The following RAB27A variants were observed in gnomAD, a reference collection of about 807,000 sequenced individuals.
RAB27A encodes the protein ras-related protein Rab-27A.
A neutral mutation model predicts 20.8 loss-of-function variants in RAB27A; 17 were observed. The ratio of observed to expected loss-of-function variants is 0.82; its 90% CI spans 0.56 to 1.23. The LOEUF is 1.23. RAB27A is among the 50% of genes most tolerant of loss of function. The pLI, the probability that RAB27A is intolerant of heterozygous loss-of-function variation, is 0.00. For synonymous variants in RAB27A, 85 were observed against 92.8 expected (o/e 0.92, Z 0.48); for missense variants, 277 against 266.7 (o/e 1.04, Z -0.27).
chr15:55,318,712 AC>A (rs1393724621), intron 1 of RAB27A, among the ~76,000 whole-genome samples: 2 of 105,582 alleles, frequency 1.9e-5, no homozygotes, highest in East Asian at 4.6e-4. Flanking sequence ...AAAAAAAAAA[AC>A]AAAAACAAAA....
chr15:55,256,084 TGTTTTACAAGTCAAG>T (rs1897068610), intron 2 of RAB27A, among the ~76,000 whole-genome samples: 1 of 152,156 alleles, frequency 6.6e-6, no homozygotes, highest in Admixed American at 6.5e-5. Context: ...GTAAGATCGT[TGTTTTACAAGTCAAG>T]TAGAGGCTGG....
intron 2 of RAB27A, among the ~76,000 whole-genome samples, chr15:55,313,083 T>C (rs762954696): frequency 4.6e-5 from 7 of 152,152 alleles, no homozygotes; most frequent in Non-Finnish European, 1.0e-4. Flanking sequence ...AGACATTTGG[T>C]ATTTAAATTA....
chr15:55,309,489 G>C (rs11857303), intron 2 of RAB27A, among the ~76,000 whole-genome samples: 41,597 of 152,100 alleles, frequency 0.27, 6,921 homozygotes, highest in East Asian at 0.55. Context: ...AGAGTGTCCA[G>C]GTATGAGAAC....
In RAB27A at chr15:55,315,615, AAAG is replaced by A. The variant is rs2055039711; in HGVS notation, c.-233-1458_-233-1456del. 2.0e-5 allele frequency among the ~76,000 whole-genome samples: 3 copies of A among 152,338 alleles called. No individual in the cohort carries two copies. The South Asian group carries it at 6.2e-4, about 32-fold the overall frequency. On this transcript the variant is annotated intron_variant, in intron 1 of 5. Transcript: ENST00000563262. ...GAAGGATATGAACAGACACTTCTCAAAAGAAGACATTTACGCAGCCAACAAACT... is the reference window on the plus strand; with the variant it reads ...GAAGGATATGAACAGACACTTCTCAAAAGACATTTACGCAGCCAACAAACT...
At chr15:55,283,374 G>A (rs1004162228) in intron 1 of RAB27A, among the ~76,000 whole-genome samples, 1 of 124,184 alleles carries the variant, frequency 8.1e-6, no homozygotes, top group East Asian at 2.7e-4. Context: ...CCGACCGACT[G>A]ATTCCTGACT....
At chr15:55,281,747 A>G (rs886701545) in intron 1 of RAB27A, among the ~76,000 whole-genome samples, 1 of 151,732 alleles carries the variant, frequency 6.6e-6, no homozygotes, top group African/African-American at 2.4e-5. Flanking sequence ...AATGGAAGGG[A>G]GGAAGGAAGG....
chr15:55,217,053 CAA>C (rs1895338929), intron 6 of RAB27A, among the ~76,000 whole-genome samples: 1 of 152,318 alleles, frequency 6.6e-6, no homozygotes, highest in East Asian at 1.9e-4. Context: ...ACAATATTAA[CAA>C]GACATACTTT....
intron 5 of RAB27A, among the ~76,000 whole-genome samples, chr15:55,225,002 G>A (rs527769883): frequency 6.6e-6 from 1 of 152,274 alleles, no homozygotes; most frequent in Admixed American, 6.5e-5. Flanking sequence ...TGCCCTCATG[G>A]GGCAACTGGG....
At chr15:55,214,200 G>A (rs1378428245) in intron 6 of RAB27A, among the ~76,000 whole-genome samples, 10 of 152,188 alleles carry the variant, frequency 6.6e-5, no homozygotes, top group Non-Finnish European at 1.0e-4. Context: ...ACTTTGGGAG[G>A]CCAAGGCGGG....
intron 2 of RAB27A, among the ~76,000 whole-genome samples, chr15:55,269,058 G>A (rs1017184672): frequency 2.6e-5 from 4 of 152,104 alleles, no homozygotes; most frequent in South Asian, 2.1e-4. Context: ...GGCCTGGAAC[G>A]GATTCTCCCT....
chr15:55,305,061 G>A (rs2054991416), intron 2 of RAB27A, among the ~76,000 whole-genome samples: 1 of 152,152 alleles, frequency 6.6e-6, no homozygotes, highest in Non-Finnish European at 1.5e-5. Context: ...TGCCTAATTA[G>A]CATTTTAGTG....
chr15:55,226,509 T>TTGTGTG (rs36074324), intron 5 of RAB27A, among the ~76,000 whole-genome samples: 106 of 148,858 alleles, frequency 7.1e-4, no homozygotes, highest in African/African-American at 1.7e-3. Context: ...TTTTATGTAT[T>TTGTGTG]TGTGTGTGTG....
intron 6 of RAB27A, among the ~76,000 whole-genome samples, chr15:55,209,373 ATGAG>A (rs1398322658): frequency 6.6e-6 from 1 of 152,152 alleles, no homozygotes; most frequent in Non-Finnish European, 1.5e-5. Context: ...GCTCCCACAT[ATGAG>A]TAAGAACATG....
chr15:55,209,912 ATG>A (rs1491347084), intron 6 of RAB27A, among the ~76,000 whole-genome samples: 6 of 113,132 alleles, frequency 5.3e-5, no homozygotes, highest in East Asian at 2.3e-4. Context: ...ATGTGTGTGT[ATG>A]TATATACACA....
At position 55,264,530 on chromosome 15, in the gene RAB27A, G is replaced by T. The variant is rs140097683; in HGVS notation, c.-23+5635C>A. ...AATGTGAAATTATCAAAATTACGAA[G>T]CATAGGAGGATGTGGGAAAGGGTTG... On this transcript the variant is annotated intron_variant, in intron 2 of 6. Transcript: ENST00000336787. Among the ~76,000 whole-genome samples the T allele has an allele frequency of 8.5e-5, 13 of 152,250 alleles. No individual in the cohort carries two copies. In the East Asian group the frequency reaches 2.5e-3, roughly 29 times the overall value.
intron 6 of RAB27A, among the ~76,000 whole-genome samples, chr15:55,217,764 G>A (rs1390129596): frequency 6.7e-6 from 1 of 150,210 alleles, no homozygotes; most frequent in African/African-American, 2.5e-5. Context: ...TCCACATGGT[G>A]GTGCTAATGT....
intron 2 of RAB27A, among the ~76,000 whole-genome samples, chr15:55,241,600 T>TTATATATATATATATATATATA (rs58693379): frequency 4.8e-5 from 6 of 123,892 alleles, no homozygotes; most frequent in African/African-American, 1.7e-4. Context: ...CAAGACCTAT[T>TTATATATATATATATATATATA]TATATATATA....
rs190327488 is a variant in RAB27A at position 55,266,062 on chromosome 15, T to C, written c.-23+4103A>G. 6.6e-4 allele frequency among the ~76,000 whole-genome samples: 101 copies of C among 152,326 alleles called. 2 individuals are homozygous for C. The highest frequency in any genetic ancestry group is 2.1e-3 in the African/African-American group (89 of 41,576). ...TCTAATGTTACCGACTGAATGTTTG[T>C]GTCTCCCCAAAATTTGTATGTTGAA... On this transcript the variant is annotated intron_variant, in intron 2 of 6. Transcript: ENST00000336787.
intron 2 of RAB27A, among the ~76,000 whole-genome samples, chr15:55,246,415 A>G (rs1226734629): frequency 1.5e-5 from 2 of 129,890 alleles, no homozygotes; most frequent in Non-Finnish European, 3.4e-5. Context: ...CAAATGAGAT[A>G]TCGGCTTTTT....
Sources: allele counts gnomAD v4.1 joint callset (sites outside exome capture counted in the v4.1 genomes callset), GRCh38; gene constraint gnomAD v4.1.1; transcripts MANE v1.5; gene names NCBI Gene and HGNC (gene_info 2026-07-23, HGNC 2026-07-21).